Variants in UNC5D observed in about 807,000 individuals in gnomAD.
UNC5D encodes the protein netrin receptor UNC5D.
UNC5D carries 39 observed loss-of-function variants against 105.4 expected under a neutral mutation model. That is an observed-to-expected ratio of 0.37 (90% CI 0.29 to 0.48). The LOEUF is 0.48. UNC5D is among the 20% of genes least tolerant of loss of function. The pLI, the probability that UNC5D is intolerant of heterozygous loss-of-function variation, is 0.98. For missense variants in UNC5D, 991 were observed against 1,202.4 expected (o/e 0.82, Z 2.60); for synonymous variants, 452 against 450.4 (o/e 1.00, Z -0.04).
At chr8:35,350,068 T>C (rs770140902) in intron 1 of UNC5D, among the ~76,000 whole-genome samples, 1 of 151,928 alleles carries the variant, frequency 6.6e-6, no homozygotes, top group East Asian at 1.9e-4. Flanking sequence ...TAAATTAATT[T>C]ATTTTTTTTG....
intron 1 of UNC5D, chr8:35,256,623 A>G (rs1449303732): frequency 6.6e-6 from 1 of 152,118 alleles, no homozygotes; most frequent in African/African-American, 2.4e-5. Flanking sequence ...AAAAGAAACT[A>G]AAACTCAGGT....
intron 1 of UNC5D, chr8:35,255,864 T>C (rs537187572): frequency 6.6e-6 from 1 of 152,334 alleles, no homozygotes; most frequent in African/African-American, 2.4e-5. Context: ...TTGCCTAGTC[T>C]CCTTCCCACC....
intron 1 of UNC5D, among the ~76,000 whole-genome samples, chr8:35,441,382 A>G (rs1807386468): frequency 6.6e-6 from 1 of 151,896 alleles, no homozygotes; most frequent in South Asian, 2.1e-4. Flanking sequence ...TAATTTATAA[A>G]TCACACTTCA....
chr8:35,567,887 G>T (rs1055659428), intron 2 of UNC5D, among the ~76,000 whole-genome samples: 3 of 152,138 alleles, frequency 2.0e-5, no homozygotes, highest in Admixed American at 1.3e-4. Context: ...AGCCGGAATT[G>T]GTTGATAATA....
intron 4 of UNC5D, among the ~76,000 whole-genome samples, chr8:35,603,943 A>G (rs966895503): frequency 2.6e-5 from 4 of 152,014 alleles, no homozygotes; most frequent in South Asian, 2.1e-4. Flanking sequence ...GTGTCTCTGC[A>G]TGTGAGATGG....
chr8:35,464,581 A>C lies in UNC5D; in HGVS notation c.104-84711A>C, dbSNP rs933266756. Among the ~76,000 whole-genome samples, 4 of 151,900 alleles carry C rather than the reference A, an allele frequency of 2.6e-5. 1 individual carries two copies. In the South Asian group the frequency reaches 6.2e-4, roughly 24 times the overall value. Reference sequence around the variant, plus strand: ...CTAGTTTTTCTTTTTTCTTTCCTTAAGCTTTCTTGTTCCTAATCTTGATTC... The same window carrying C: ...CTAGTTTTTCTTTTTTCTTTCCTTACGCTTTCTTGTTCCTAATCTTGATTC... On this transcript the variant is annotated intron_variant, in intron 1 of 16. Transcript: ENST00000404895.
intron 1 of UNC5D, among the ~76,000 whole-genome samples, chr8:35,258,199 CA>C (rs1436563988): frequency 2.0e-5 from 3 of 151,730 alleles, no homozygotes; most frequent in Non-Finnish European, 4.4e-5. Flanking sequence ...GGTGGAAGGG[CA>C]AAAAAAGGGA....
chr8:35,320,518 C>G (rs1809658023), intron 1 of UNC5D, among the ~76,000 whole-genome samples: 2 of 152,062 alleles, frequency 1.3e-5, no homozygotes, highest in African/African-American at 4.8e-5. Flanking sequence ...ATTTTCTCCA[C>G]AAGAAACAGG....
At chr8:35,689,227 G>A (rs1334272038) in intron 7 of UNC5D, among the ~76,000 whole-genome samples, 1 of 152,174 alleles carries the variant, frequency 6.6e-6, no homozygotes, top group Non-Finnish European at 1.5e-5. Context: ...GACAGATAAT[G>A]GTTATCTCTT....
intron 11 of UNC5D, among the ~76,000 whole-genome samples, chr8:35,739,649 T>A (rs920202227): frequency 1.3e-5 from 2 of 152,170 alleles, no homozygotes; most frequent in African/African-American, 4.8e-5. Flanking sequence ...AAGGGGAAAG[T>A]CACTGGTCCA....
At position 35,391,161 on chromosome 8, in the gene UNC5D, G is replaced by T. The variant is rs1390636557; in HGVS notation, c.103+155274G>T. 2.0e-5 allele frequency among the ~76,000 whole-genome samples: 3 copies of T among 152,192 alleles called. No homozygotes were observed. The South Asian group carries it at 6.2e-4, about 31-fold the overall frequency. The stretch of plus-strand genomic sequence containing the variant: ...AACGTTTGCAAAGAAACTAGACCTG[G>T]TTCTGCTGAAGCAACATATTTGTTC... On this transcript the variant is annotated intron_variant, in intron 1 of 16. Coordinates refer to ENST00000404895, the MANE Select transcript of UNC5D (RefSeq NM_080872.4).
chr8:35,336,791 G>GTTTT (rs11404669), intron 1 of UNC5D, among the ~76,000 whole-genome samples: 1 of 147,614 alleles, frequency 6.8e-6, no homozygotes, highest in Non-Finnish European at 1.5e-5. Context: ...AGGAAATAGT[G>GTTTT]TTTTTTTTTT....
rs1486943789 is a variant in UNC5D at position 35,274,864 on chromosome 8, T to G, written c.103+38977T>G. Reference sequence around the variant, plus strand: ...TTTTTCTTTGGGAAGCCAAGGCAGGTGGATCACCTGAGGTTGGGAGTTTGA... The same window carrying G: ...TTTTTCTTTGGGAAGCCAAGGCAGGGGGATCACCTGAGGTTGGGAGTTTGA... On this transcript the variant is annotated intron_variant, in intron 1 of 16. Coordinates refer to ENST00000404895, the MANE Select transcript of UNC5D (RefSeq NM_080872.4). Among the ~76,000 whole-genome samples, 5 of 151,982 alleles carry G rather than the reference T, an allele frequency of 3.3e-5. No homozygotes were observed. In the East Asian group the frequency reaches 9.7e-4, roughly 29 times the overall value.
intron 1 of UNC5D, among the ~76,000 whole-genome samples, chr8:35,528,439 T>A (rs1814063009): frequency 1.3e-5 from 2 of 149,176 alleles, no homozygotes; most frequent in South Asian, 4.3e-4. Context: ...CTTAATCCAG[T>A]CTATCATTGT....
intron 11 of UNC5D, among the ~76,000 whole-genome samples, chr8:35,736,731 C>T (rs1246759049): frequency 6.6e-6 from 1 of 152,102 alleles, no homozygotes; most frequent in Non-Finnish European, 1.5e-5. Context: ...GGGTTTCTCT[C>T]CAAGGGAGTG....
At chr8:35,600,049 G>A (rs1015519003) in intron 4 of UNC5D, among the ~76,000 whole-genome samples, 1 of 152,030 alleles carries the variant, frequency 6.6e-6, no homozygotes, top group African/African-American at 2.4e-5. Flanking sequence ...GAGAACATGA[G>A]GTGTTTGGTT....
At chr8:35,482,383 T>A (rs1810539103) in intron 1 of UNC5D, among the ~76,000 whole-genome samples, 1 of 152,200 alleles carries the variant, frequency 6.6e-6, no homozygotes, top group South Asian at 2.1e-4. Context: ...TGGGCACATT[T>A]CTGTCTGTCT....
chr8:35,236,404 C>A (rs1418489169), intron 1 of UNC5D, among the ~76,000 whole-genome samples: 1 of 152,272 alleles, frequency 6.6e-6, no homozygotes, highest in Non-Finnish European at 1.5e-5. Context: ...TAGCTTGGCA[C>A]CCCTCGGGCG....
intron 1 of UNC5D, among the ~76,000 whole-genome samples, chr8:35,312,963 G>A (rs945190304): frequency 3.3e-5 from 5 of 152,264 alleles, no homozygotes; most frequent in South Asian, 2.1e-4. Context: ...TCACATGACC[G>A]TTTTGTATCA....
Sources: allele counts gnomAD v4.1 joint callset (sites outside exome capture counted in the v4.1 genomes callset), GRCh38; gene constraint gnomAD v4.1.1; transcripts MANE v1.5; gene names NCBI Gene and HGNC (gene_info 2026-07-23, HGNC 2026-07-21).